WBP1L: variants seen among roughly 807,000 people sequenced by gnomAD.
WBP1L encodes WW domain binding protein 1-like.
Under a neutral mutation model 33.7 loss-of-function variants are expected in WBP1L, and 17 were observed. The observed-to-expected ratio is 0.50, with a 90% confidence interval of 0.34 to 0.76. The LOEUF is 0.76. Among genes scored for constraint, WBP1L ranks in the 30% least tolerant of loss-of-function variants. The pLI, the probability that WBP1L is intolerant of heterozygous loss-of-function variation, is 0.01. For missense variants in WBP1L, 389 were observed against 469.4 expected, an observed-to-expected ratio of 0.83 and a Z score of 1.58; for synonymous variants, 173 against 190.8, an observed-to-expected ratio of 0.91 and a Z score of 0.77.
intron 1 of WBP1L, among the ~76,000 whole-genome samples, chr10:102,763,845 G>T (rs141260982): frequency 6.6e-6 from 1 of 152,132 alleles, no homozygotes; most frequent in South Asian, 2.1e-4. Context: ...ACAGAGTCTC[G>T]CTCTGTCATC....
intron 1 of WBP1L, among the ~76,000 whole-genome samples, chr10:102,748,530 G>T (rs1259597590): frequency 6.6e-6 from 1 of 152,170 alleles, no homozygotes; most frequent in Non-Finnish European, 1.5e-5. Context: ...TGCTTAGTGC[G>T]TTTGATGTAC....
rs116059393 is a variant in WBP1L, at chr10:102,801,258, T to C, written c.193+3163T>C. Among the ~76,000 whole-genome samples the C allele has an allele frequency of 7.9e-3, 1,199 of 152,298 alleles. 11 individuals carry two copies. Among genetic ancestry groups the C allele is most frequent in the African/African-American group, 0.028 (1,149 of 41,558 alleles). On this transcript the variant is annotated intron_variant, in intron 2 of 3. Transcript: ENST00000448841. ...CTGATCGTTGTTAGTATTATCTCCA[T>C]GCATTTTTACGGCACCTGTACTTTA...
intron 1 of WBP1L, among the ~76,000 whole-genome samples, chr10:102,763,718 C>T (rs1843071860): frequency 6.6e-6 from 1 of 152,190 alleles, no homozygotes; most frequent in Non-Finnish European, 1.5e-5. Context: ...GCAGGGATAG[C>T]AATATCCTGT....
At chr10:102,805,881 G>A (rs1162362612) in intron 2 of WBP1L, among the ~76,000 whole-genome samples, 1 of 149,986 alleles carries the variant, frequency 6.7e-6, no homozygotes, top group African/African-American at 2.5e-5. Flanking sequence ...CTGGGTGACA[G>A]TGAGACCTTG....
At chr10:102,755,370 C>G (rs1395873292) in intron 1 of WBP1L, among the ~76,000 whole-genome samples, 1 of 151,948 alleles carries the variant, frequency 6.6e-6, no homozygotes, top group East Asian at 1.9e-4. Context: ...GTTCCTTCTG[C>G]CTTAGCCTCC....
At chr10:102,760,697 C>G (rs932300705) in intron 1 of WBP1L, among the ~76,000 whole-genome samples, 1 of 151,958 alleles carries the variant, frequency 6.6e-6, no homozygotes, top group Non-Finnish European at 1.5e-5. Flanking sequence ...TTTCCATCAG[C>G]ATTGCCCAGA....
At chr10:102,812,499 T>G (rs1843857699) in intron 3 of WBP1L, 96 bp from the exon 4 acceptor site, 3 of 1,400,832 alleles carry the variant, frequency 2.1e-6, no homozygotes, top group South Asian at 1.5e-5. Flanking sequence ...TGCTCTGGGG[T>G]GGGAAGAGAC....
At chr10:102,807,825 C>G (rs113678487) in intron 2 of WBP1L, among the ~76,000 whole-genome samples, 91 of 151,102 alleles carry the variant, frequency 6.0e-4, no homozygotes, top group African/African-American at 2.1e-3. Context: ...AGCCATATTC[C>G]TAGAGGAATT....
Position 102,749,635 on chromosome 10 carries a change from AT to A in WBP1L, c.90+5499del, listed in dbSNP as rs1464481482. ...GGCCTAATTTTTTTTAATTAAAAAA[AT>A]TTTTTTATAGAGCAGAAGTCTCACT... On this transcript the variant is annotated intron_variant, in intron 1 of 3. Coordinates refer to ENST00000448841, the MANE Select transcript of WBP1L (RefSeq NM_001083913.2). 3.4e-5 allele frequency among the ~76,000 whole-genome samples: 5 copies of A among 147,366 alleles called. No individual in the cohort carries two copies. In the East Asian group the frequency reaches 8.2e-4, roughly 24 times the overall value.
chr10:102,812,336 G>A (rs1011345621), intron 3 of WBP1L, among the ~76,000 whole-genome samples: 5 of 152,138 alleles, frequency 3.3e-5, no homozygotes, highest in African/African-American at 7.2e-5. Flanking sequence ...CCCAACAGGC[G>A]TGAAGTCCTT....
intron 1 of WBP1L, among the ~76,000 whole-genome samples, chr10:102,788,841 G>C (rs1003534676): frequency 5.3e-5 from 8 of 152,182 alleles, no homozygotes; most frequent in Admixed American, 2.0e-4. Context: ...ATAAGTATGA[G>C]AGTTGCAAAA....
intron 1 of WBP1L, among the ~76,000 whole-genome samples, chr10:102,779,483 T>C (rs1356663183): frequency 1.3e-5 from 2 of 151,848 alleles, no homozygotes; most frequent in African/African-American, 4.8e-5. Context: ...GTATTTTTAA[T>C]AGAGATGGGG....
At chr10:102,765,790 A>G (rs562568508) in intron 1 of WBP1L, among the ~76,000 whole-genome samples, 8 of 152,224 alleles carry the variant, frequency 5.3e-5, no homozygotes, top group Non-Finnish European at 1.2e-4. Context: ...ATAAAAGCAC[A>G]ACCAAGATGA....
At position 102,814,681 on chromosome 10, in the gene WBP1L, C is replaced by G. The variant is rs1182426528; in HGVS notation, c.*1350C>G. The G allele has an allele frequency of 6.6e-6, 1 of 151,904 alleles. No homozygotes were observed. Among genetic ancestry groups the G allele is most frequent in the African/African-American group, 2.4e-5 (1 of 41,234 alleles). 9.4% of individuals were successfully genotyped at this position (151,904 alleles called of 1,614,324 possible). Reference sequence around the variant, plus strand: ...GGTGAAAGCAGCCATCCGGAAGGCCCTGGGGACCCTTGTGCCTGTTGCTCG... The same window carrying G: ...GGTGAAAGCAGCCATCCGGAAGGCCGTGGGGACCCTTGTGCCTGTTGCTCG... On this transcript the variant is annotated 3_prime_UTR_variant, in exon 4 of 4. Coordinates refer to ENST00000448841, the MANE Select transcript of WBP1L (RefSeq NM_001083913.2).
intron 1 of WBP1L, among the ~76,000 whole-genome samples, chr10:102,780,240 T>G (rs540501712): frequency 6.6e-6 from 1 of 152,292 alleles, no homozygotes; most frequent in South Asian, 2.1e-4. Context: ...TTTTTGTGCT[T>G]AGATGAGCCA....
chr10:102,793,814 G>A (rs758084086), intron 1 of WBP1L, among the ~76,000 whole-genome samples: 10 of 152,006 alleles, frequency 6.6e-5, no homozygotes, highest in Non-Finnish European at 1.3e-4. Flanking sequence ...TGTCACCCAG[G>A]CTAGCGTGCA....
chr10:102,796,299 C>T (rs1843572918), intron 1 of WBP1L, among the ~76,000 whole-genome samples: 2 of 152,138 alleles, frequency 1.3e-5, no homozygotes, highest in Non-Finnish European at 2.9e-5. Flanking sequence ...TCTAAACTGT[C>T]ATATCAGAAT....
At chr10:102,781,362 C>T (rs1011186384) in intron 1 of WBP1L, among the ~76,000 whole-genome samples, 43 of 152,296 alleles carry the variant, frequency 2.8e-4, no homozygotes, top group Middle Eastern at 3.4e-3. Context: ...TTCACCACAG[C>T]GGCCACCCAT....
chr10:102,755,193 C>T (rs902241905), intron 1 of WBP1L, among the ~76,000 whole-genome samples: 13 of 151,952 alleles, frequency 8.6e-5, no homozygotes, highest in East Asian at 1.9e-4. Context: ...GTGATCCACC[C>T]GCCTCAGCTT....
Sources: allele counts gnomAD v4.1 joint callset (sites outside exome capture counted in the v4.1 genomes callset), GRCh38; gene constraint gnomAD v4.1.1; transcripts MANE v1.5; gene names NCBI Gene and HGNC (gene_info 2026-07-23, HGNC 2026-07-21).